PRKN: variants seen among roughly 807,000 people sequenced by gnomAD.
The protein encoded by PRKN is E3 ubiquitin-protein ligase parkin.
In PRKN, 56 loss-of-function variants were observed where a neutral mutation model predicts 59.5. That is an observed-to-expected ratio of 0.94 (90% CI 0.76 to 1.18). The LOEUF is 1.18. PRKN is among the 50% of genes most tolerant of loss of function. The probability of loss-of-function intolerance (pLI) is 0.00; values close to 1 mark genes in which losing one functional copy is unlikely to be tolerated. For missense variants in PRKN, 657 were observed against 596.4 expected (o/e 1.10, Z -1.06); for synonymous variants, 250 against 222.1 (o/e 1.13, Z -1.12).
At chr6:162,541,279 G>T (rs564771023) in intron 1 of PRKN, among the ~76,000 whole-genome samples, 3 of 152,298 alleles carry the variant, frequency 2.0e-5, no homozygotes, top group African/African-American at 7.2e-5. Context: ...TTCATATAGG[G>T]TGATCAGGAA....
At chr6:162,717,377 G>T (rs1470865600) in intron 1 of PRKN, among the ~76,000 whole-genome samples, 1 of 151,928 alleles carries the variant, frequency 6.6e-6, no homozygotes, top group Non-Finnish European at 1.5e-5. Context: ...AAGAGTTCAA[G>T]ACTAGTCTGG....
intron 1 of PRKN, among the ~76,000 whole-genome samples, chr6:162,582,147 C>T (rs1780816852): frequency 6.6e-6 from 1 of 152,292 alleles, no homozygotes; most frequent in African/African-American, 2.4e-5. Context: ...TTAAGCATTT[C>T]ACACATTACA....
At chr6:161,864,091 TAC>T (rs1794014998) in intron 6 of PRKN, among the ~76,000 whole-genome samples, 1 of 152,182 alleles carries the variant, frequency 6.6e-6, no homozygotes, top group Non-Finnish European at 1.5e-5. Context: ...AGTGGTTCCA[TAC>T]AATAAAACGA....
At position 161,544,077 on chromosome 6, in the gene PRKN, T is replaced by C. The variant is rs1451226610; in HGVS notation, c.1083+4777A>G. ...GCTAGACTAGTATTTGGTACCAAAA[T>C]ACATTCTCTGCTGCGTTCTATCTAT... On this transcript the variant is annotated intron_variant, in intron 9 of 11. Coordinates refer to ENST00000366898, the MANE Select transcript of PRKN (RefSeq NM_004562.3). The surrounding 1 kb of genome is among the most constrained non-coding windows in gnomAD (Gnocchi z 5.5). Among the ~76,000 whole-genome samples, 1 of 152,212 alleles carries C rather than the reference T, an allele frequency of 6.6e-6. No individual in the cohort carries two copies. The highest frequency in any genetic ancestry group is 1.5e-5 in the Non-Finnish European group (1 of 68,024).
chr6:161,988,464 C>A lies in PRKN; in HGVS notation c.619-15047G>T, dbSNP rs143924074. Among the ~76,000 whole-genome samples, 706 of 151,962 alleles carry A rather than the reference C, an allele frequency of 4.6e-3. 4 individuals carry two copies. The highest frequency in any genetic ancestry group is 0.015 in the African/African-American group (609 of 41,470). ...ATCCCGCACTGCACTCCAGCCTGAG[C>A]AACACGGCGAGACTCCGTCTCAAAA... On this transcript the variant is annotated intron_variant, in intron 5 of 11. Transcript: ENST00000366898.
In PRKN at chr6:161,352,904, C is replaced by G. The variant is rs191940097; in HGVS notation, c.1286-2693G>C. 6.6e-6 allele frequency among the ~76,000 whole-genome samples: 1 copy of G among 151,788 alleles called. No homozygotes were observed. Among genetic ancestry groups the G allele is most frequent in the Non-Finnish European group, 1.5e-5 (1 of 67,970 alleles). ...AAGCAATTCTCCTGCCTCAGCCTCT[C>G]GAGTAGTTGGAATTACAGGCACCTG... On this transcript the variant is annotated intron_variant, in intron 11 of 11. Coordinates refer to ENST00000366898, the MANE Select transcript of PRKN (RefSeq NM_004562.3). This position sits in a 1 kb window ranked among gnomAD's most constrained non-coding sequence, Gnocchi z 5.8.
chr6:161,855,105 A>T (rs1793598343), intron 6 of PRKN, among the ~76,000 whole-genome samples: 1 of 151,440 alleles, frequency 6.6e-6, no homozygotes, highest in Non-Finnish European at 1.5e-5. Context: ...AAAAGAAAAA[A>T]AAAAAGAAAA....
intron 6 of PRKN, among the ~76,000 whole-genome samples, chr6:161,950,916 CAA>C (rs767267023): frequency 8.8e-5 from 13 of 148,370 alleles, no homozygotes; most frequent in Non-Finnish European, 1.6e-4. Context: ...GACACTGAAA[CAA>C]GAATCGGAAT....
chr6:162,105,796 A>C (rs984622733), intron 4 of PRKN, among the ~76,000 whole-genome samples: 1 of 152,254 alleles, frequency 6.6e-6, no homozygotes, highest in African/African-American at 2.4e-5. Context: ...AGTAAAAGAA[A>C]GGCATAAATC....
At position 162,101,072 on chromosome 6, in the gene PRKN, G is replaced by T. The variant is rs114673929; in HGVS notation, c.535-46898C>A. On this transcript the variant is annotated intron_variant, in intron 4 of 11. Transcript: ENST00000366898. The stretch of plus-strand genomic sequence containing the variant: ...TGATTGTTGCGTGGCTGATACAGAA[G>T]TTCTTTAGTTTGATGCATTCCCACC... 2.5e-3 allele frequency among the ~76,000 whole-genome samples: 379 copies of T among 152,156 alleles called. 2 individuals carry two copies. The highest frequency in any genetic ancestry group is 8.6e-3 in the African/African-American group (357 of 41,538).
chr6:162,491,445 C>T (rs1006090469), intron 1 of PRKN, among the ~76,000 whole-genome samples: 6 of 152,186 alleles, frequency 3.9e-5, no homozygotes, highest in East Asian at 1.9e-4. Context: ...ACCAGGTGTG[C>T]GTGACGACGT....
intron 6 of PRKN, among the ~76,000 whole-genome samples, chr6:161,814,526 G>C (rs1364769795): frequency 2.0e-5 from 3 of 152,016 alleles, no homozygotes; most frequent in African/African-American, 4.8e-5. Flanking sequence ...TTTTGAGATG[G>C]AGTTTCACTC....
In PRKN at chr6:162,141,864, A is replaced by ACC. The variant is rs1562537365; in HGVS notation, c.534+59266_534+59267insGG. 1.2e-3 allele frequency among the ~76,000 whole-genome samples: 177 copies of ACC among 152,302 alleles called. 1 individual carries two copies. The highest frequency in any genetic ancestry group is 4.0e-3 in the African/African-American group (168 of 41,582). ...CTTTTTCCCTAGAGAAGAAGCATTAAAGGAGAGTCAGTCTAACCAGGATTA... is the reference window on the plus strand; with the variant it reads ...CTTTTTCCCTAGAGAAGAAGCATTAACCAGGAGAGTCAGTCTAACCAGGATTA... On this transcript the variant is annotated intron_variant, in intron 4 of 11. Coordinates refer to ENST00000366898, the MANE Select transcript of PRKN (RefSeq NM_004562.3).
At chr6:161,450,079 T>C (rs889342004) in intron 9 of PRKN, among the ~76,000 whole-genome samples, 1 of 152,198 alleles carries the variant, frequency 6.6e-6, no homozygotes, top group Admixed American at 6.5e-5. Flanking sequence ...CATGGGGAAC[T>C]GAAAATAAAC....
intron 6 of PRKN, among the ~76,000 whole-genome samples, chr6:161,929,059 G>A (rs1442163189): frequency 6.6e-6 from 1 of 152,116 alleles, no homozygotes; most frequent in African/African-American, 2.4e-5. Context: ...CCAGAAGGTG[G>A]AGGTACTCCA....
rs1554251151 is a variant in PRKN at position 161,352,755 on chromosome 6, G to GTATA, written c.1286-2548_1286-2545dup. Reference sequence around the variant, plus strand: ...TGTGTGTGTGTGTGTGTGTGTGTGTGTATATATATATATATATTTTATTTT... The same window carrying GTATA: ...TGTGTGTGTGTGTGTGTGTGTGTGTGTATATATATATATATATATATTTTATTTT... On this transcript the variant is annotated intron_variant, in intron 11 of 11. Transcript: ENST00000366898. The surrounding 1 kb of genome is among the most constrained non-coding windows in gnomAD (Gnocchi z 5.8). 7.5e-3 allele frequency among the ~76,000 whole-genome samples: 1,006 copies of GTATA among 134,358 alleles called. 15 individuals are homozygous for GTATA. Among genetic ancestry groups the GTATA allele is most frequent in the African/African-American group, 0.026 (916 of 35,770 alleles). 88.1% of individuals were successfully genotyped at this position (134,358 alleles called of 152,430 possible). A position where few individuals can be genotyped will look rare whatever the true frequency, so the allele number is the denominator to read the frequency against.
intron 7 of PRKN, among the ~76,000 whole-genome samples, chr6:161,613,367 A>G (rs1396854781): frequency 1.3e-5 from 2 of 148,992 alleles, no homozygotes; most frequent in African/African-American, 2.5e-5. Context: ...ATGCGCAAAG[A>G]TTTTTTTTTT....
intron 6 of PRKN, among the ~76,000 whole-genome samples, chr6:161,814,908 C>G (rs1250911098): frequency 6.6e-6 from 1 of 152,194 alleles, no homozygotes; most frequent in South Asian, 2.1e-4. Flanking sequence ...CCCACAGGGT[C>G]CCTCCCATGA....
At chr6:161,612,240 C>A (rs1470439237) in intron 7 of PRKN, among the ~76,000 whole-genome samples, 1 of 152,200 alleles carries the variant, frequency 6.6e-6, no homozygotes, top group Non-Finnish European at 1.5e-5. Flanking sequence ...GGTGGCTACA[C>A]TAAACCACAG....
Sources: allele counts gnomAD v4.1 joint callset (sites outside exome capture counted in the v4.1 genomes callset), GRCh38; gene constraint gnomAD v4.1.1; non-coding constraint Gnocchi (gnomAD v3.1); transcripts MANE v1.5; gene names NCBI Gene and HGNC (gene_info 2026-07-23, HGNC 2026-07-21).